MCC: variants seen among roughly 807,000 people sequenced by gnomAD.
The protein encoded by MCC is MCC regulator of Wnt signaling pathway.
Under a neutral mutation model 116.2 loss-of-function variants are expected in MCC, and 90 were observed. The observed-to-expected ratio is 0.77, with a 90% CI of 0.65 to 0.92. The LOEUF is 0.92. Ranked by LOEUF, MCC falls within the 40% of genes least tolerant of loss-of-function variation. MCC has a pLI of 0.00. For missense variants in MCC, 1,516 were observed against 1,312.2 expected, an observed-to-expected ratio of 1.16 and a Z score of -2.40; for synonymous variants, 578 against 510.5, an observed-to-expected ratio of 1.13 and a Z score of -1.78.
chr5:113,311,462 G>C (rs920869112), intron 3 of MCC, among the ~76,000 whole-genome samples: 1 of 152,142 alleles, frequency 6.6e-6, no homozygotes, highest in Non-Finnish European at 1.5e-5. Context: ...CCCAAACCAA[G>C]GTCTGGCCAG....
intron 16 of MCC, among the ~76,000 whole-genome samples, chr5:113,045,880 G>A (rs367903281): frequency 1.8e-4 from 27 of 151,784 alleles, no homozygotes; most frequent in Admixed American, 1.6e-3. Flanking sequence ...CTGCTTTTGC[G>A]CTAGCATTGG....
intron 1 of MCC, among the ~76,000 whole-genome samples, chr5:113,392,353 G>C (rs1028847368): frequency 6.6e-6 from 1 of 152,080 alleles, no homozygotes; most frequent in Non-Finnish European, 1.5e-5. Context: ...CTAAGTATAA[G>C]GAAAACGTAA....
chr5:113,182,792 C>A (rs1761697848), intron 3 of MCC, among the ~76,000 whole-genome samples: 1 of 152,210 alleles, frequency 6.6e-6, no homozygotes, highest in African/African-American at 2.4e-5. Flanking sequence ...CACACAGGGG[C>A]ACTCAATGCA....
rs748061180 is a variant in MCC at position 113,043,495 on chromosome 5, A to C, written c.2756+35T>G. The C allele has an allele frequency of 1.8e-5, 28 of 1,573,548 alleles. 1 individual carries two copies. The South Asian group carries it at 2.8e-4, about 16-fold the overall frequency. ...TCAGAACAAAGTCTCCATGCCCAGGATAAACACCAGCTGGGGTGGGGAAAG... is the reference window on the plus strand; with the variant it reads ...TCAGAACAAAGTCTCCATGCCCAGGCTAAACACCAGCTGGGGTGGGGAAAG... On this transcript the variant is annotated intron_variant, in intron 17 of 18. Transcript: ENST00000408903.
At chr5:113,074,950 C>T (rs958335534) in intron 11 of MCC, among the ~76,000 whole-genome samples, 1 of 152,246 alleles carries the variant, frequency 6.6e-6, no homozygotes, top group African/African-American at 2.4e-5. Context: ...GGTGTCTGCT[C>T]TGGCCATGCT....
chr5:113,427,361 TG>T (rs1770512175), intron 1 of MCC, among the ~76,000 whole-genome samples: 1 of 152,214 alleles, frequency 6.6e-6, no homozygotes, highest in Non-Finnish European at 1.5e-5. Flanking sequence ...GGGAGTTGAC[TG>T]GAAAGGTCCC....
At chr5:113,130,083 C>A (rs185880295) in intron 5 of MCC, among the ~76,000 whole-genome samples, 179 of 152,262 alleles carry the variant, frequency 1.2e-3, no homozygotes, top group African/African-American at 4.1e-3. Context: ...TTAGAACCAA[C>A]CCAAATGCCC....
chr5:113,307,553 G>T (rs1767019857), intron 3 of MCC, among the ~76,000 whole-genome samples: 1 of 151,872 alleles, frequency 6.6e-6, no homozygotes, highest in African/African-American at 2.4e-5. Flanking sequence ...GTATTTCTTG[G>T]AATTTTCTAT....
chr5:113,433,267 CCCACCCAACCCCCAACCCAGCCTGGT>C (rs1770721298), intron 1 of MCC: 1 of 206,132 alleles, frequency 4.9e-6, no homozygotes, highest in Non-Finnish European at 1.0e-5. Flanking sequence ...CCCGTCCAGC[CCCACCCAACCCCCAACCCAGCCTGGT>C]CCCCTGACCC....
At chr5:113,210,803 T>A (rs1763106975) in intron 3 of MCC, among the ~76,000 whole-genome samples, 1 of 152,216 alleles carries the variant, frequency 6.6e-6, no homozygotes, top group Non-Finnish European at 1.5e-5. Context: ...AGTTTTAACC[T>A]ATTTTCCAGG....
chr5:113,413,984 T>C (rs1226676899), intron 1 of MCC, among the ~76,000 whole-genome samples: 5 of 152,240 alleles, frequency 3.3e-5, no homozygotes, highest in Non-Finnish European at 7.3e-5. Context: ...TTTGTTCTCA[T>C]TGGTTTCAAA....
intron 6 of MCC, among the ~76,000 whole-genome samples, chr5:113,110,287 A>G (rs1757011454): frequency 6.6e-6 from 1 of 152,236 alleles, no homozygotes. Flanking sequence ...TGACTGGATC[A>G]GGGAAAGGCT....
At chr5:113,406,009 A>G (rs1380185841) in intron 1 of MCC, among the ~76,000 whole-genome samples, 1 of 152,140 alleles carries the variant, frequency 6.6e-6, no homozygotes, top group Non-Finnish European at 1.5e-5. Context: ...CTTCTAAATA[A>G]TTATGTCTCA....
At chr5:113,179,640 T>C (rs555071229) in intron 3 of MCC, among the ~76,000 whole-genome samples, 45 of 152,328 alleles carry the variant, frequency 3.0e-4, no homozygotes, top group African/African-American at 1.0e-3. Flanking sequence ...CATTTACCAA[T>C]TAATAACATG....
In MCC at chr5:113,385,052, G is replaced by C. The variant is rs201988704; in HGVS notation, c.331C>G (p.Leu111Val). The change falls in exon 2 of 19, where the codon CTT (leucine) becomes GTT (valine). Residue 111 changes from leucine to valine, a missense_variant. Physicochemically the swap from Leu to Val is conservative, Grantham distance 32. Coordinates refer to ENST00000408903, the MANE Select transcript of MCC (RefSeq NM_001085377.2). The stretch of plus-strand genomic sequence containing the variant: ...CAGGAGTTGTCTGACTTTGCAGAAA[G>C]ATCTACTTCCTCCTTCCTAATTTCT... ...VREIRKEEVD[L>V]SAKSDNSCTK... The C allele has an allele frequency of 9.9e-5, 160 of 1,614,200 alleles. No homozygotes were observed. In the South Asian group the frequency reaches 1.5e-3, roughly 15 times the overall value.
intron 3 of MCC, among the ~76,000 whole-genome samples, chr5:113,331,959 A>C (rs1329268657): frequency 6.6e-6 from 1 of 151,570 alleles, no homozygotes; most frequent in East Asian, 1.9e-4. Context: ...TTCCAAGTGA[A>C]TTCTACATAC....
chr5:113,478,284 G>T (rs1435823391), intron 1 of MCC, among the ~76,000 whole-genome samples: 1 of 152,200 alleles, frequency 6.6e-6, no homozygotes, highest in East Asian at 1.9e-4. Context: ...GTGGAATGTA[G>T]AGGCAGCAAG....
chr5:113,229,675 G>A (rs544091027), intron 3 of MCC, among the ~76,000 whole-genome samples: 18 of 152,266 alleles, frequency 1.2e-4, no homozygotes, highest in African/African-American at 2.4e-4. Flanking sequence ...CATATACAAC[G>A]GTGGTCCTGT....
intron 7 of MCC, 99 bp from the exon 8 acceptor site, chr5:113,102,044 T>G (rs1020645694): frequency 8.5e-7 from 1 of 1,183,048 alleles, no homozygotes; most frequent in Non-Finnish European, 1.2e-6. Flanking sequence ...CATAGAGGAG[T>G]GTGTTCTAGA....
Sources: gnomAD v4.1 joint callset for allele counts (sites outside exome capture counted in the v4.1 genomes callset) on GRCh38, gnomAD v4.1.1 for gene constraint, MANE v1.5 for transcripts, NCBI Gene and HGNC (gene_info 2026-07-23, HGNC 2026-07-21) for gene names.